Variants in ERBB4 observed in about 807,000 individuals in gnomAD.
ERBB4 encodes erb-b2 receptor tyrosine kinase 4, also known as receptor tyrosine-protein kinase erbB-4.
A neutral mutation model predicts 158.0 loss-of-function variants in ERBB4; 42 were observed. That is an observed-to-expected ratio of 0.27 (90% CI 0.21 to 0.34). ERBB4 has a LOEUF of 0.34. ERBB4 is among the 10% of genes least tolerant of loss of function. The pLI, the probability that ERBB4 is intolerant of heterozygous loss-of-function variation, is 1.00. For missense variants in ERBB4, 1,333 were observed against 1,624.1 expected, an observed-to-expected ratio of 0.82 and a Z score of 3.08; for synonymous variants, 583 against 558.7, an observed-to-expected ratio of 1.04 and a Z score of -0.61.
intron 1 of ERBB4, among the ~76,000 whole-genome samples, chr2:212,453,274 G>T (rs1201334545): frequency 1.3e-5 from 2 of 152,090 alleles, no homozygotes; most frequent in Non-Finnish European, 2.9e-5. Flanking sequence ...ACTTTGTAAA[G>T]AAAGACCTAC....
intron 5 of ERBB4, among the ~76,000 whole-genome samples, chr2:211,736,569 T>A (rs531651403): frequency 8.5e-5 from 13 of 152,294 alleles, no homozygotes; most frequent in African/African-American, 2.6e-4. Flanking sequence ...GTACAGCAAA[T>A]TAGCCTTCTA....
rs529941975 is a variant in ERBB4, at chr2:212,242,284, C to T, written c.83-117381G>A. On this transcript the variant is annotated intron_variant, in intron 1 of 27. Transcript: ENST00000342788. ...ATTTTATTGATTTGATCAAGTAGTT[C>T]CGAGTCCTAGTTATAATTTTAAAAT... 1.6e-4 allele frequency among the ~76,000 whole-genome samples: 25 copies of T among 151,986 alleles called. No homozygotes were observed. The East Asian group carries it at 3.9e-3, about 23-fold the overall frequency.
chr2:212,225,495 T>C (rs4350692), intron 1 of ERBB4, among the ~76,000 whole-genome samples: 65,617 of 151,716 alleles, frequency 0.43, 14,896 homozygotes, highest in East Asian at 0.76. Flanking sequence ...AAAATAAGTT[T>C]GAATCATTTT....
chr2:212,286,760 A>C (rs6717146), intron 1 of ERBB4, among the ~76,000 whole-genome samples: 127,501 of 130,670 alleles, frequency 0.98, 62,319 homozygotes, highest in African/African-American at 0.99. Context: ...TGGCACCATG[A>C]GGGTTAATTT....
chr2:212,461,189 A>C (rs1688554298), intron 1 of ERBB4, among the ~76,000 whole-genome samples: 1 of 152,154 alleles, frequency 6.6e-6, no homozygotes, highest in Non-Finnish European at 1.5e-5. Context: ...GAAGAGGGCC[A>C]CCATCCACCA....
chr2:211,977,286 A>T (rs1003741306), intron 2 of ERBB4, among the ~76,000 whole-genome samples: 10 of 152,152 alleles, frequency 6.6e-5, no homozygotes, highest in African/African-American at 2.4e-4. Flanking sequence ...CAGCTATAAG[A>T]ATATGTCCCT....
chr2:211,419,561 T>G (rs1250085930), intron 25 of ERBB4, among the ~76,000 whole-genome samples: 1 of 152,096 alleles, frequency 6.6e-6, no homozygotes, highest in African/African-American at 2.4e-5. Flanking sequence ...AGAAACTGAT[T>G]ACAGACACAA....
chr2:212,424,572 A>G (rs1035045954), intron 1 of ERBB4, among the ~76,000 whole-genome samples: 2 of 152,184 alleles, frequency 1.3e-5, no homozygotes, highest in African/African-American at 4.8e-5. Flanking sequence ...CAAGTAGTAC[A>G]TAGTATATAT....
intron 3 of ERBB4, among the ~76,000 whole-genome samples, chr2:211,790,743 T>G (rs2106324042): frequency 6.6e-6 from 1 of 152,124 alleles, no homozygotes; most frequent in East Asian, 1.9e-4. Flanking sequence ...TTATAAATGT[T>G]TAGCAATTAA....
At chr2:211,581,858 A>C (rs897792086) in intron 19 of ERBB4, among the ~76,000 whole-genome samples, 1 of 151,980 alleles carries the variant, frequency 6.6e-6, no homozygotes, top group African/African-American at 2.4e-5. Flanking sequence ...AAAAATATAA[A>C]AATTAGCTAG....
chr2:211,643,755 G>C (rs1400707542), intron 16 of ERBB4, among the ~76,000 whole-genome samples: 1 of 151,954 alleles, frequency 6.6e-6, no homozygotes, highest in African/African-American at 2.4e-5. Context: ...ATTGGAGGGG[G>C]ACAGGGGTGG....
chr2:212,348,374 T>C (rs1045778237), intron 1 of ERBB4, among the ~76,000 whole-genome samples: 1 of 151,804 alleles, frequency 6.6e-6, no homozygotes, highest in African/African-American at 2.4e-5. Context: ...TTCCTCAAAA[T>C]CAGCACAGGA....
intron 12 of ERBB4, among the ~76,000 whole-genome samples, chr2:211,691,885 T>C (rs957453192): frequency 6.6e-6 from 1 of 152,048 alleles, no homozygotes; most frequent in African/African-American, 2.4e-5. Context: ...GGACAGATTG[T>C]GCAGGACCTA....
chr2:211,785,106 T>A lies in ERBB4; in HGVS notation c.556+2919A>T, dbSNP rs545451822. ...TTGATGCACAGCCTTTTTTTTTTTT[T>A]TTTTTTTATTTTTTGAGACGGAGTC... On this transcript the variant is annotated intron_variant, in intron 4 of 27. Transcript: ENST00000342788. Among the ~76,000 whole-genome samples, 237 of 144,958 alleles carry A rather than the reference T, an allele frequency of 1.6e-3. 2 individuals carry two copies. The Middle Eastern group carries it at 0.025, about 15-fold the overall frequency.
In ERBB4 at chr2:211,731,667, AT is replaced by A. The variant is rs370650445; in HGVS notation, c.623-6474del. Among the ~76,000 whole-genome samples the A allele has an allele frequency of 7.7e-3, 1,174 of 152,274 alleles. 21 individuals are homozygous for A. The highest frequency in any genetic ancestry group is 0.048 in the Middle Eastern group (14 of 294). Reference sequence around the variant, plus strand: ...GCTCTAAGATTCAAAATTTATTCCTATTAATGATGAAATTGTGACTAAAAAA... The same window carrying A: ...GCTCTAAGATTCAAAATTTATTCCTATAATGATGAAATTGTGACTAAAAAA... On this transcript the variant is annotated intron_variant, in intron 5 of 27. Transcript: ENST00000342788.
intron 1 of ERBB4, among the ~76,000 whole-genome samples, chr2:212,371,085 C>T (rs1239542065): frequency 1.3e-5 from 2 of 152,034 alleles, no homozygotes; most frequent in Admixed American, 6.6e-5. Flanking sequence ...TCAGTGAAAG[C>T]CTGTTTCTTG....
intron 4 of ERBB4, among the ~76,000 whole-genome samples, chr2:211,769,636 C>T (rs1177154892): frequency 6.6e-6 from 1 of 152,164 alleles, no homozygotes; most frequent in Non-Finnish European, 1.5e-5. Flanking sequence ...AGTAGGGAAG[C>T]CAACTGTCCA....
chr2:211,590,298 G>T (rs1249487569), intron 19 of ERBB4, among the ~76,000 whole-genome samples: 1 of 152,152 alleles, frequency 6.6e-6, no homozygotes, highest in African/African-American at 2.4e-5. Flanking sequence ...AGACGATAAT[G>T]GCCCTTTCCC....
rs193277369 is a variant in ERBB4 at position 211,468,016 on chromosome 2, A to T, written c.2488-36916T>A. Among the ~76,000 whole-genome samples the T allele has an allele frequency of 2.0e-5, 3 of 152,310 alleles. No homozygotes were observed. The East Asian group carries it at 5.8e-4, about 29-fold the overall frequency. ...TGGCTGTTGACAGGGCCAGAAAAGG[A>T]GATGGAGATAAATAATGTGGCTGGA... On this transcript the variant is annotated intron_variant, in intron 20 of 27. Coordinates refer to ENST00000342788, the MANE Select transcript of ERBB4 (RefSeq NM_005235.3).
Sources: allele counts gnomAD v4.1 joint callset (sites outside exome capture counted in the v4.1 genomes callset), GRCh38; gene constraint gnomAD v4.1.1; transcripts MANE v1.5; gene names NCBI Gene and HGNC (gene_info 2026-07-23, HGNC 2026-07-21).